Variants in FEZ1 observed in about 807,000 individuals in gnomAD.
FEZ1 encodes the protein fasciculation and elongation protein zeta-1.
A neutral mutation model predicts 49.3 loss-of-function variants in FEZ1; 20 were observed. The observed-to-expected ratio is 0.41, with a 90% confidence interval of 0.29 to 0.59. The LOEUF is 0.59. Among genes scored for constraint, FEZ1 ranks in the 20% least tolerant of loss-of-function variants. The pLI is 0.36. For synonymous variants in FEZ1, 170 were observed against 180.9 expected (o/e 0.94, Z 0.48); for missense variants, 413 against 476.0 (o/e 0.87, Z 1.23).
chr11:125,477,634 C>G (rs1957243830), intron 3 of FEZ1, among the ~76,000 whole-genome samples: 1 of 152,216 alleles, frequency 6.6e-6, no homozygotes, highest in Non-Finnish European at 1.5e-5. Context: ...GCAGAGTCCT[C>G]TTCCTTAGTC....
At chr11:125,454,396 G>C in intron 6 of FEZ1, 186 bp from the exon 7 acceptor site, 1 of 459,896 alleles carries the variant, frequency 2.2e-6, no homozygotes. Flanking sequence ...AGAATAAACA[G>C]AGTCTCAAGA....
Position 125,452,364 on chromosome 11 carries a change from A to G in FEZ1, c.1066T>C (p.Ser356Pro). Residue 356 changes from serine to proline, a missense_variant, in exon 8 of 10, where the codon TCA (serine) becomes CCA (proline). Physicochemically the swap from Ser to Pro is moderately conservative, Grantham distance 74. Transcript: ENST00000278919. ...IPYEKKASPP[S>P]VEDLQMLTNI... ...GTCAGCATCTGCAGGTCTTCCACTG[A>G]GGGAGGAGAGGCTTTCTTCTCGTAA... The G allele has an allele frequency of 3.7e-6, 6 of 1,613,154 alleles. No individual in the cohort carries two copies. Among genetic ancestry groups the G allele is most frequent in the Non-Finnish European group, 5.1e-6 (6 of 1,179,068 alleles).
At chr11:125,481,316 T>TTTTTGTATTTTTGTA (rs1282645014) in intron 3 of FEZ1, among the ~76,000 whole-genome samples, 10 of 152,134 alleles carry the variant, frequency 6.6e-5, no homozygotes, top group Admixed American at 2.0e-4. Context: ...CCTGGCTAAT[T>TTTTTGTATTTTTGTA]TTTTGTATTT....
At chr11:125,475,884 A>T (rs1957227303) in intron 3 of FEZ1, among the ~76,000 whole-genome samples, 1 of 152,342 alleles carries the variant, frequency 6.6e-6, no homozygotes, top group African/African-American at 2.4e-5. Flanking sequence ...AATATGCAAA[A>T]AGTAGAAAAA....
intron 2 of FEZ1, among the ~76,000 whole-genome samples, chr11:125,482,473 G>GTAC (rs1957290874): frequency 6.6e-6 from 1 of 152,140 alleles, no homozygotes; most frequent in African/African-American, 2.4e-5. Flanking sequence ...TATAAGAAAG[G>GTAC]ATTTCTACAA....
intron 3 of FEZ1, among the ~76,000 whole-genome samples, chr11:125,477,652 A>G (rs1192483323): frequency 1.3e-5 from 2 of 152,134 alleles, no homozygotes; most frequent in African/African-American, 4.8e-5. Flanking sequence ...GTCATCCCAG[A>G]GTCAGGTACT....
intron 2 of FEZ1, among the ~76,000 whole-genome samples, chr11:125,482,443 T>A (rs1233900254): frequency 3.3e-5 from 5 of 152,238 alleles, no homozygotes; most frequent in African/African-American, 1.2e-4. Context: ...CATTTCTTTT[T>A]AAAATTCTGA....
rs1390451529 is a variant in FEZ1 at position 125,496,250 on chromosome 11, C to T, written c.-175G>A. ...CAGCCAGCCAGCCAGCCAGCGAGCG[C>T]TCCCCGCGCAGCTCCGGCGGCGCCC... On this transcript the variant is annotated 5_prime_UTR_variant, in exon 1 of 10. Transcript: ENST00000278919. 6.5e-6 allele frequency: 1 copy of T among 153,340 alleles called. No individual in the cohort carries two copies. Among genetic ancestry groups the T allele is most frequent in the Non-Finnish European group, 1.4e-5 (1 of 69,102 alleles). The allele number at this position is 153,340 out of a possible 1,614,324, so 9.5% of individuals were successfully genotyped here. A position where few individuals can be genotyped will look rare whatever the true frequency, so the allele number is the denominator to read the frequency against.
At position 125,446,018 on chromosome 11, in the gene FEZ1, T is replaced by C. The variant is rs921753847; in HGVS notation, c.*77A>G. On this transcript the variant is annotated 3_prime_UTR_variant, in exon 10 of 10. Coordinates refer to ENST00000278919, the MANE Select transcript of FEZ1 (RefSeq NM_005103.5). Reference sequence around the variant, plus strand: ...GTTTAAATACATGTCGGAGGTTACATGGTCTCATGCAGTCCCTGTGATGGA... The same window carrying C: ...GTTTAAATACATGTCGGAGGTTACACGGTCTCATGCAGTCCCTGTGATGGA... 2.2e-6 allele frequency: 3 copies of C among 1,371,220 alleles called. No homozygotes were observed. The highest frequency in any genetic ancestry group is 2.9e-5 in the African/African-American group (2 of 70,102). The allele number at this position is 1,371,220 out of a possible 1,614,324, so 84.9% of individuals were successfully genotyped here.
At chr11:125,459,832 C>G (rs2135749253) in intron 5 of FEZ1, among the ~76,000 whole-genome samples, 1 of 152,284 alleles carries the variant, frequency 6.6e-6, no homozygotes, top group Non-Finnish European at 1.5e-5. Flanking sequence ...CGCAGTGGCT[C>G]ACACTTGTAA....
chr11:125,449,541 A>T (rs1057256340), intron 8 of FEZ1, among the ~76,000 whole-genome samples: 4 of 152,062 alleles, frequency 2.6e-5, no homozygotes, highest in African/African-American at 9.7e-5. Flanking sequence ...CTTTATAATT[A>T]AATGCTAATG....
At chr11:125,481,952 C>T (rs116566396) in intron 2 of FEZ1, among the ~76,000 whole-genome samples, 2,132 of 152,034 alleles carry the variant, frequency 0.014, 46 homozygotes, top group African/African-American at 0.047. Context: ...TGCCCCTCAT[C>T]CAAATAGCTC....
At chr11:125,469,694 G>T (rs1957166669) in intron 3 of FEZ1, among the ~76,000 whole-genome samples, 1 of 151,420 alleles carries the variant, frequency 6.6e-6, no homozygotes, top group Non-Finnish European at 1.5e-5. Context: ...CTCCCAAGTA[G>T]CTGGGACTAC....
At chr11:125,475,547 C>A (rs1957223408) in intron 3 of FEZ1, among the ~76,000 whole-genome samples, 2 of 151,822 alleles carry the variant, frequency 1.3e-5, no homozygotes, top group Non-Finnish European at 2.9e-5. Flanking sequence ...AACAAATGGA[C>A]ACACGGAAGG....
At chr11:125,467,036 A>AT (rs11323641) in intron 3 of FEZ1, among the ~76,000 whole-genome samples, 164 of 144,202 alleles carry the variant, frequency 1.1e-3, no homozygotes, top group East Asian at 3.0e-3. Context: ...ACTGTGTCCC[A>AT]TTTTTTTTTT....
At chr11:125,459,139 C>T (rs1957048060) in intron 5 of FEZ1, among the ~76,000 whole-genome samples, 1 of 152,188 alleles carries the variant, frequency 6.6e-6, no homozygotes, top group African/African-American at 2.4e-5. Context: ...AGGGGCCTAA[C>T]TCCCTTCCGA....
At chr11:125,472,379 T>C (rs1957191780) in intron 3 of FEZ1, among the ~76,000 whole-genome samples, 2 of 151,338 alleles carry the variant, frequency 1.3e-5, no homozygotes, top group Non-Finnish European at 2.9e-5. Context: ...GAGAGAGGGA[T>C]GGAGGGAGAG....
Position 125,444,504 on chromosome 11 carries a change from G to T in FEZ1, c.*1591C>A, listed in dbSNP as rs1372898682. ...GGAGGCTGAGGCAGGAGAATCACTTGAACGTGGGAGGCGGAGTTTGCGGCG... is the reference window on the plus strand; with the variant it reads ...GGAGGCTGAGGCAGGAGAATCACTTTAACGTGGGAGGCGGAGTTTGCGGCG... On this transcript the variant is annotated 3_prime_UTR_variant, in exon 10 of 10. Transcript: ENST00000278919. Among the ~76,000 whole-genome samples the T allele has an allele frequency of 6.6e-6, 1 of 152,096 alleles. No homozygotes were observed. The highest frequency in any genetic ancestry group is 1.9e-4 in the East Asian group (1 of 5,190).
chr11:125,471,189 C>T (rs888163673), intron 3 of FEZ1, among the ~76,000 whole-genome samples: 2 of 152,006 alleles, frequency 1.3e-5, no homozygotes, highest in Admixed American at 1.3e-4. Context: ...AGAGGAACAA[C>T]AAAACAGCAA....
Sources: gnomAD v4.1 joint callset for allele counts (sites outside exome capture counted in the v4.1 genomes callset) on GRCh38, gnomAD v4.1.1 for gene constraint, MANE v1.5 for transcripts, NCBI Gene and HGNC (gene_info 2026-07-23, HGNC 2026-07-21) for gene names.